DEFB129: variants seen among roughly 807,000 people sequenced by gnomAD.
The protein encoded by DEFB129 is defensin beta 129, also known as beta-defensin 129.
A neutral mutation model predicts 2.5 loss-of-function variants in DEFB129; 2 were observed. The observed-to-expected ratio is 0.80, with a 90% CI of 0.33 to 2.53. The LOEUF is 2.53. Among genes scored for constraint, DEFB129 ranks in the 30% most tolerant of loss-of-function variants. The probability of loss-of-function intolerance (pLI) is 0.11; values close to 1 mark genes in which losing one functional copy is unlikely to be tolerated. For missense variants in DEFB129, 177 were observed against 216.9 expected, an observed-to-expected ratio of 0.82 and a Z score of 1.16; for synonymous variants, 76 against 74.4, an observed-to-expected ratio of 1.02 and a Z score of -0.11.
intron 1 of DEFB129, among the ~76,000 whole-genome samples, 199 bp downstream of exon 1, chr20:227,545 C>T (rs1242117353): frequency 1.3e-5 from 2 of 152,162 alleles, no homozygotes; most frequent in African/African-American, 2.4e-5. Context: ...AGTGGAAACA[C>T]CCAGGAAGCT....
Position 227,319 on chromosome 20 carries a change from C to T in DEFB129, c.31C>T (p.Leu11Phe). ...GCTCCTTTTTCCTATCTTTGCCAGC[C>T]TCATGCTACAGTACCAGGTGAACAC... is the stretch of plus-strand genomic sequence containing the variant. MKLLFPIFAS[L>F]MLQYQVNTEF... Residue 11 changes from leucine to phenylalanine, a missense_variant, in exon 1 of 2, where the codon CTC (leucine) becomes TTC (phenylalanine). Leu to Phe is a conservative substitution (Grantham distance 22). Transcript: ENST00000246105. The T allele has an allele frequency of 6.2e-7, 1 of 1,614,134 alleles. No homozygotes were observed. The highest frequency in any genetic ancestry group is 1.3e-5 in the African/African-American group (1 of 75,046).
Position 229,753 on chromosome 20 carries a change from G to A in DEFB129, c.534G>A (p.Glu178=), listed in dbSNP as rs768304929. The part of the protein sequence containing the change: ...NILPTPSLEL[E]EAEEQ Reference sequence around the variant, plus strand: ...TGCCAACACCATCACTGGAGCTAGAGGAAGCAGAAGAGCAGTAATGTGGAT... The same window carrying A: ...TGCCAACACCATCACTGGAGCTAGAAGAAGCAGAAGAGCAGTAATGTGGAT... Residue 178 remains glutamate, a synonymous_variant, in exon 2 of 2, where the codon GAG becomes GAA. Coordinates refer to ENST00000246105, the MANE Select transcript of DEFB129 (RefSeq NM_080831.4). The A allele has an allele frequency of 1.9e-6, 3 of 1,610,282 alleles. No homozygotes were observed. Among genetic ancestry groups the A allele is most frequent in the Non-Finnish European group, 2.5e-6 (3 of 1,179,804 alleles).
rs762362008 is a variant in DEFB129 at position 229,669 on chromosome 20, A to G, written c.450A>G (p.Lys150=). The stretch of plus-strand genomic sequence containing the variant: ...CTACTTCTACCAAGAGTAACACCAA[A>G]GAAAGCAGAGATTCTGCCACTGCCT... The part of the protein sequence containing the change: ...YTATSTKSNT[K]ESRDSATASP... The change falls in exon 2 of 2, where the codon AAA becomes AAG. Residue 150 remains lysine (K), a synonymous_variant. Coordinates refer to ENST00000246105, the MANE Select transcript of DEFB129 (RefSeq NM_080831.4). 3 of 1,614,160 alleles carry G rather than the reference A, an allele frequency of 1.9e-6. No homozygotes were observed. In the East Asian group the frequency reaches 6.7e-5, roughly 36 times the overall value.
At chr20:227,950 T>A (rs1211861917) in intron 1 of DEFB129, among the ~76,000 whole-genome samples, 1 of 152,152 alleles carries the variant, frequency 6.6e-6, no homozygotes, top group African/African-American at 2.4e-5. Flanking sequence ...GAGGAAGTTC[T>A]TCCCTCATGC....
Position 229,569 on chromosome 20 carries a change from T to C in DEFB129, c.350T>C (p.Val117Ala). ...AGCTTTTTTGCTAATACCAACTTTG[T>C]CATCATTCCAAATGCCACCCCTATG... ...STSFFANTNFVIIPNATPMNS... is the reference protein window; with the variant it reads ...STSFFANTNFAIIPNATPMNS... The change falls in exon 2 of 2, where the codon GTC (valine) becomes GCC (alanine). Residue 117 changes from valine (V) to alanine (A), a missense_variant. Coordinates refer to ENST00000246105, the MANE Select transcript of DEFB129 (RefSeq NM_080831.4). The C allele has an allele frequency of 6.2e-7, 1 of 1,614,194 alleles. No individual in the cohort carries two copies. The highest frequency in any genetic ancestry group is 1.1e-5 in the South Asian group (1 of 91,088).
At chr20:228,129 G>A (rs981776838) in intron 1 of DEFB129, among the ~76,000 whole-genome samples, 1 of 152,186 alleles carries the variant, frequency 6.6e-6, no homozygotes, top group Admixed American at 6.5e-5. Flanking sequence ...GCTAAGCCAG[G>A]GGATTAACCA....
intron 1 of DEFB129, 96 bp downstream of exon 1, chr20:227,442 A>T (rs2011293763): frequency 7.1e-7 from 1 of 1,416,150 alleles, no homozygotes; most frequent in South Asian, 1.2e-5. Context: ...AGACTGAAAG[A>T]TTAGCTGTTC....
intron 1 of DEFB129, 87 bp downstream of exon 1, chr20:227,433 G>A: frequency 6.8e-7 from 1 of 1,461,860 alleles, no homozygotes; most frequent in South Asian, 1.1e-5. Context: ...AAAGAGAGGA[G>A]ACTGAAAGAT....
At chr20:227,889 A>G (rs1362408833) in intron 1 of DEFB129, among the ~76,000 whole-genome samples, 3 of 152,092 alleles carry the variant, frequency 2.0e-5, no homozygotes, top group Non-Finnish European at 4.4e-5. Context: ...CTTCCTGTGA[A>G]ACCACCTCTT....
chr20:227,895 C>T (rs2011299679), intron 1 of DEFB129, among the ~76,000 whole-genome samples: 1 of 152,088 alleles, frequency 6.6e-6, no homozygotes, highest in African/African-American at 2.4e-5. Context: ...GTGAAACCAC[C>T]TCTTGAAGCA....
intron 1 of DEFB129, among the ~76,000 whole-genome samples, chr20:228,024 G>A (rs2011301115): frequency 6.6e-6 from 1 of 152,056 alleles, no homozygotes; most frequent in Non-Finnish European, 1.5e-5. Flanking sequence ...AATTCTTTCA[G>A]GTTTTCCAGA....
At chr20:229,238 T>C in intron 1 of DEFB129, 40 bp from the exon 2 acceptor site, 1 of 1,537,416 alleles carries the variant, frequency 6.5e-7, no homozygotes, top group Non-Finnish European at 8.7e-7. Flanking sequence ...CATCTCTAGT[T>C]ATTAACCTTG....
At chr20:227,705 A>T (rs201753367) in intron 1 of DEFB129, among the ~76,000 whole-genome samples, 10 of 107,092 alleles carry the variant, frequency 9.3e-5, no homozygotes, top group Admixed American at 3.3e-4. Context: ...TTTTTTTTTA[A>T]AAAAAGTCCT....
Position 229,523 on chromosome 20 carries a change from C to A in DEFB129, c.304C>A (p.Leu102Ile), listed in dbSNP as rs1413146713. ...ACAAAGAAAACATATTTTATCTGTT[C>A]TCCCCCAAATCAAAAGCACTAGCTT... ...VIQRKHILSV[L>I]PQIKSTSFFA... The change falls in exon 2 of 2, where the codon CTC (leucine) becomes ATC (isoleucine). Residue 102 changes from leucine to isoleucine, a missense_variant. Coordinates refer to ENST00000246105, the MANE Select transcript of DEFB129 (RefSeq NM_080831.4). The A allele has an allele frequency of 1.2e-6, 2 of 1,614,150 alleles. No homozygotes were observed. Among genetic ancestry groups the A allele is most frequent in the Non-Finnish European group, 1.7e-6 (2 of 1,180,032 alleles).
intron 1 of DEFB129, among the ~76,000 whole-genome samples, chr20:229,074 C>T (rs2011310082): frequency 6.6e-6 from 1 of 152,188 alleles, no homozygotes; most frequent in Non-Finnish European, 1.5e-5. Flanking sequence ...GGAAGGCAGA[C>T]TAAACAGGAA....
Position 229,296 on chromosome 20 carries a change from G to T in DEFB129, c.77G>T (p.Arg26Leu), listed in dbSNP as rs148426835. Residue 26 changes from arginine (R) to leucine (L), a missense_variant, in exon 2 of 2, where the codon CGC becomes CTC. By Grantham distance (102) the Arg-to-Leu change is moderately radical. Transcript: ENST00000246105. ...QVNTEFIGLR[R>L]CLMGLGRCRD... ...TATACAGAATTTATTGGCTTGAGAC[G>T]CTGTTTAATGGGTTTGGGGAGATGC... The T allele has an allele frequency of 5.7e-6, 9 of 1,586,510 alleles. No individual in the cohort carries two copies. The highest frequency in any genetic ancestry group is 7.7e-6 in the Non-Finnish European group (9 of 1,169,892).
At chr20:227,685 T>C (rs1169991570) in intron 1 of DEFB129, among the ~76,000 whole-genome samples, 1 of 150,508 alleles carries the variant, frequency 6.6e-6, no homozygotes, top group Non-Finnish European at 1.5e-5. Flanking sequence ...TATTTCTATC[T>C]TAAAAGCCCT....
rs919055527 is a variant in DEFB129, at chr20:229,830, C to A, written c.*59C>A. ...TCTATTTTTGCTATCTATAAAATGA[C>A]ATAGAACTGTTTCCTCTGTCATCAG... On this transcript the variant is annotated 3_prime_UTR_variant, in exon 2 of 2. Coordinates refer to ENST00000246105, the MANE Select transcript of DEFB129 (RefSeq NM_080831.4). The A allele has an allele frequency of 5.2e-6, 8 of 1,543,102 alleles. 1 individual carries two copies. In the Admixed American group the frequency reaches 1.5e-4, roughly 29 times the overall value.
Position 229,314 on chromosome 20 carries a change from G to C in DEFB129, c.95G>C (p.Gly32Ala). Residue 32 changes from glycine to alanine, a missense_variant, in exon 2 of 2, where the codon GGG (glycine) becomes GCG (alanine). Gly to Ala is a moderately conservative substitution (Grantham distance 60). Coordinates refer to ENST00000246105, the MANE Select transcript of DEFB129 (RefSeq NM_080831.4). ...TTGAGACGCTGTTTAATGGGTTTGG[G>C]GAGATGCAGGGATCACTGCAATGTG... ...IGLRRCLMGL[G>A]RCRDHCNVDE... is the part of the protein sequence containing the mutation. The C allele has an allele frequency of 6.2e-7, 1 of 1,611,140 alleles. No homozygotes were observed. The highest frequency in any genetic ancestry group is 8.5e-7 in the Non-Finnish European group (1 of 1,178,890).
Sources: allele counts gnomAD v4.1 joint callset (sites outside exome capture counted in the v4.1 genomes callset), GRCh38; gene constraint gnomAD v4.1.1; transcripts MANE v1.5; gene names NCBI Gene and HGNC (gene_info 2026-07-23, HGNC 2026-07-21).